ZNF385D: variants seen among roughly 807,000 people sequenced by gnomAD.
ZNF385D encodes the protein zinc finger protein 385D.
A neutral mutation model predicts 35.8 loss-of-function variants in ZNF385D; 15 were observed. That is an observed-to-expected ratio of 0.42 (90% confidence interval 0.28 to 0.64). The LOEUF is 0.64. ZNF385D is among the 30% of genes least tolerant of loss of function. ZNF385D has a pLI of 0.23. For missense variants in ZNF385D, 474 were observed against 494.6 expected, an observed-to-expected ratio of 0.96 and a Z score of 0.39; for synonymous variants, 212 against 186.8, an observed-to-expected ratio of 1.13 and a Z score of -1.10.
intron 4 of ZNF385D, among the ~76,000 whole-genome samples, chr3:21,466,723 G>C (rs1703541194): frequency 1.3e-5 from 2 of 152,088 alleles, no homozygotes; most frequent in South Asian, 4.1e-4. Flanking sequence ...TGAAAAGCTA[G>C]TTTTATTTCC....
At chr3:21,819,895 A>G (rs552457426) in intron 3 of ZNF385D, among the ~76,000 whole-genome samples, 1 of 149,210 alleles carries the variant, frequency 6.7e-6, no homozygotes, top group African/African-American at 2.4e-5. Context: ...TATACTTCAT[A>G]TATTTATATA....
At chr3:21,635,806 G>A (rs1575368119) in intron 2 of ZNF385D, among the ~76,000 whole-genome samples, 3 of 152,008 alleles carry the variant, frequency 2.0e-5, no homozygotes, top group Admixed American at 6.6e-5. Flanking sequence ...GAGAACATAC[G>A]ATGTTTGGTT....
Position 21,874,118 on chromosome 3 carries a change from C to T in ZNF385D, c.326-209090G>A, listed in dbSNP as rs145444710. Among the ~76,000 whole-genome samples, 7 of 152,062 alleles carry T rather than the reference C, an allele frequency of 4.6e-5. No homozygotes were observed. The East Asian group carries it at 1.4e-3, about 29-fold the overall frequency. ...ATTATACATTCTCACCAACAGCACA[C>T]AAGGGTTCCATTTTTTCCATATTCT... is the stretch of plus-strand genomic sequence containing the variant. On this transcript the variant is annotated intron_variant, in intron 3 of 5. Transcript: ENST00000494108.
intron 3 of ZNF385D, among the ~76,000 whole-genome samples, chr3:21,957,512 CTTG>C (rs1232036136): frequency 6.6e-6 from 1 of 152,074 alleles, no homozygotes; most frequent in Non-Finnish European, 1.5e-5. Context: ...CGATGAGGAA[CTTG>C]TTGAGAACTG....
chr3:22,289,187 G>A (rs1702169907), intron 2 of ZNF385D, among the ~76,000 whole-genome samples: 1 of 152,050 alleles, frequency 6.6e-6, no homozygotes, highest in Non-Finnish European at 1.5e-5. Context: ...TTTGATTCTG[G>A]CAGAATATTT....
At chr3:21,839,883 C>T (rs1695557952) in intron 3 of ZNF385D, among the ~76,000 whole-genome samples, 1 of 151,992 alleles carries the variant, frequency 6.6e-6, no homozygotes, top group African/African-American at 2.4e-5. Flanking sequence ...CAGAAATTGC[C>T]TCCCACTGTG....
intron 1 of ZNF385D, among the ~76,000 whole-genome samples, chr3:21,726,276 G>C (rs1309449160): frequency 2.6e-5 from 4 of 152,136 alleles, no homozygotes; most frequent in Non-Finnish European, 5.9e-5. Context: ...ATAAGACAAG[G>C]ATGCCCTCTC....
At chr3:21,776,544 T>G (rs982987876) in intron 3 of ZNF385D, among the ~76,000 whole-genome samples, 2 of 151,976 alleles carry the variant, frequency 1.3e-5, no homozygotes, top group Admixed American at 1.3e-4. Context: ...AGTTAATGAC[T>G]GAAGTAATTT....
chr3:21,980,595 G>A (rs186861925), intron 3 of ZNF385D, among the ~76,000 whole-genome samples: 373 of 152,126 alleles, frequency 2.5e-3, no homozygotes, highest in African/African-American at 8.5e-3. Context: ...AGATTTGGGG[G>A]CCCATATGAA....
intron 3 of ZNF385D, among the ~76,000 whole-genome samples, chr3:22,018,996 C>A (rs1332605353): frequency 8.1e-6 from 1 of 123,342 alleles, no homozygotes; most frequent in Non-Finnish European, 1.7e-5. Flanking sequence ...TATATTACTT[C>A]TTTACCACTT....
rs1193162294 is a variant in ZNF385D, at chr3:21,990,680, A to T, written c.325+178137T>A. Among the ~76,000 whole-genome samples the T allele has an allele frequency of 2.6e-5, 4 of 152,220 alleles. No individual in the cohort carries two copies. The South Asian group carries it at 6.2e-4, about 24-fold the overall frequency. ...TAAAGTTATCAATTAACTCTAATTT[A>T]GTTACAGAAATCTTGAGTCTTTCCC... On this transcript the variant is annotated intron_variant, in intron 3 of 5. Transcript: ENST00000494108.
In ZNF385D at chr3:21,663,919, T is replaced by TATATATA. The variant is rs1201308131; in HGVS notation, c.165+966_165+967insTATATAT. Among the ~76,000 whole-genome samples the TATATATA allele has an allele frequency of 5.6e-4, 22 of 39,234 alleles. 1 individual carries two copies. Among genetic ancestry groups the TATATATA allele is most frequent in the African/African-American group, 1.5e-3 (16 of 10,556 alleles). 25.7% of individuals were successfully genotyped at this position (39,234 alleles called of 152,430 possible). ...TATATATATATATATATATATATAT[T>TATATATA]TATTTATTTAAATCCATCATGGGGA... On this transcript the variant is annotated intron_variant, in intron 2 of 7. Transcript: ENST00000281523.
intron 2 of ZNF385D, among the ~76,000 whole-genome samples, chr3:22,365,819 G>A (rs1451097717): frequency 6.6e-6 from 1 of 152,060 alleles, no homozygotes; most frequent in East Asian, 1.9e-4. Flanking sequence ...TCCTCTGAAA[G>A]AGGTGAAAAG....
intron 3 of ZNF385D, among the ~76,000 whole-genome samples, chr3:22,126,329 T>C (rs1056768474): frequency 8.2e-6 from 1 of 121,256 alleles, no homozygotes; most frequent in African/African-American, 2.8e-5. Flanking sequence ...TTTTTTTTTT[T>C]TCACTTTTTT....
At chr3:21,594,602 A>G (rs1230427634) in intron 2 of ZNF385D, among the ~76,000 whole-genome samples, 1 of 152,164 alleles carries the variant, frequency 6.6e-6, no homozygotes, top group Non-Finnish European at 1.5e-5. Flanking sequence ...TGATGGTGTC[A>G]ACTAAAGGCC....
chr3:21,893,789 C>A (rs1698999979), intron 3 of ZNF385D, among the ~76,000 whole-genome samples: 1 of 152,168 alleles, frequency 6.6e-6, no homozygotes, highest in Non-Finnish European at 1.5e-5. Flanking sequence ...CACATTTTAT[C>A]AAAGCCATGG....
intron 3 of ZNF385D, among the ~76,000 whole-genome samples, chr3:22,009,895 AT>A (rs1253773325): frequency 6.6e-6 from 1 of 151,894 alleles, no homozygotes; most frequent in African/African-American, 2.4e-5. Flanking sequence ...GTTCATAAAA[AT>A]ACAAAATTTT....
chr3:21,642,556 A>G (rs1365901024), intron 2 of ZNF385D, among the ~76,000 whole-genome samples: 3 of 152,108 alleles, frequency 2.0e-5, no homozygotes, highest in Non-Finnish European at 4.4e-5. Context: ...ACCTAGATTC[A>G]GTCAGCAACA....
rs147672332 is a variant in ZNF385D, at chr3:22,000,347, G to A, written c.325+168470C>T. On this transcript the variant is annotated intron_variant, in intron 3 of 5. Transcript: ENST00000494108. ...ATCTGAGGCACATTGTAGTTAAACC[G>A]TCAAAGTGACCTCTGGTCATCCTCA... Among the ~76,000 whole-genome samples, 39 of 151,956 alleles carry A rather than the reference G, an allele frequency of 2.6e-4. No homozygotes were observed. In the East Asian group the frequency reaches 4.1e-3, roughly 16 times the overall value.
Sources: allele counts gnomAD v4.1 joint callset (sites outside exome capture counted in the v4.1 genomes callset), GRCh38; gene constraint gnomAD v4.1.1; transcripts MANE v1.5; gene names NCBI Gene and HGNC (gene_info 2026-07-23, HGNC 2026-07-21).